SAMTOR: variants seen among roughly 807,000 people sequenced by gnomAD.
SAMTOR encodes the protein UPF0532 protein C7orf60.
At chr7:112,844,493 C>A in the SAMTOR span, among the ~76,000 whole-genome samples, 1 of 151,634 alleles carries the variant, frequency 6.6e-6, no homozygotes, top group South Asian at 2.1e-4. Flanking sequence ...GTAAGGCAAT[C>A]CCATTCACAA....
At chr7:112,850,495 C>T in the SAMTOR span, among the ~76,000 whole-genome samples, 29 of 152,204 alleles carry the variant, frequency 1.9e-4, no homozygotes, top group Admixed American at 7.2e-4. Flanking sequence ...CTTCTTTGTG[C>T]ATCTGGTAGA....
At chr7:112,861,297 A>G in the SAMTOR span, among the ~76,000 whole-genome samples, 1 of 152,164 alleles carries the variant, frequency 6.6e-6, no homozygotes, top group African/African-American at 2.4e-5. Context: ...AATACATTTT[A>G]TATTTCATAG....
the SAMTOR span, among the ~76,000 whole-genome samples, chr7:112,825,656 C>A: frequency 6.6e-6 from 1 of 152,112 alleles, no homozygotes; most frequent in Non-Finnish European, 1.5e-5. Context: ...TTCCAATGTG[C>A]ATGCTGCTTA....
the SAMTOR span, among the ~76,000 whole-genome samples, chr7:112,933,300 ATATGAT>A: frequency 2.0e-5 from 3 of 152,228 alleles, no homozygotes; most frequent in African/African-American, 7.2e-5. Flanking sequence ...ACTGAAGAAG[ATATGAT>A]TATAATAGGA....
At chr7:112,878,098 G>C in the SAMTOR span, among the ~76,000 whole-genome samples, 2 of 152,166 alleles carry the variant, frequency 1.3e-5, no homozygotes, top group Admixed American at 6.5e-5. Flanking sequence ...GCATGTAGCA[G>C]AAGTACTTTT....
At chr7:112,890,752 G>C in the SAMTOR span, among the ~76,000 whole-genome samples, 1 of 151,582 alleles carries the variant, frequency 6.6e-6, no homozygotes, top group African/African-American at 2.4e-5. Flanking sequence ...AGTGAGAGGT[G>C]TGATCTCTAC....
chr7:112,848,616 T>G, the SAMTOR span, among the ~76,000 whole-genome samples: 1 of 152,044 alleles, frequency 6.6e-6, no homozygotes, highest in South Asian at 2.1e-4. Context: ...AGGGGGATGG[T>G]GGAGAGTAAA....
the SAMTOR span, among the ~76,000 whole-genome samples, chr7:112,912,037 A>T: frequency 0.052 from 7,861 of 150,910 alleles, 508 homozygotes; most frequent in African/African-American, 0.16. Flanking sequence ...AAAAAAATAC[A>T]TATATATATA....
chr7:112,820,680 CTAAT>C, the SAMTOR span: 1 of 151,982 alleles, frequency 6.6e-6, no homozygotes, highest in African/African-American at 2.4e-5. Flanking sequence ...CCACAGCCAA[CTAAT>C]TGATATATTC....
the SAMTOR span, among the ~76,000 whole-genome samples, chr7:112,881,676 G>T: frequency 6.6e-6 from 1 of 152,086 alleles, no homozygotes. Flanking sequence ...ACCAACTCTG[G>T]GTCTCCTCTC....
the SAMTOR span, chr7:112,895,531 G>T: frequency 2.1e-6 from 3 of 1,428,202 alleles, no homozygotes; most frequent in Non-Finnish European, 2.9e-6. Context: ...CATTAATACA[G>T]TTATCCAGGA....
At chr7:112,918,325 G>C in the SAMTOR span, among the ~76,000 whole-genome samples, 11 of 152,178 alleles carry the variant, frequency 7.2e-5, no homozygotes, top group Non-Finnish European at 2.9e-5. Flanking sequence ...TTTCAACCCA[G>C]AATTTCATAT....
At chr7:112,826,981 G>A in the SAMTOR span, among the ~76,000 whole-genome samples, 3 of 152,048 alleles carry the variant, frequency 2.0e-5, no homozygotes, top group Admixed American at 2.0e-4. Context: ...TTGTTATTAG[G>A]TGCATAGACC....
the SAMTOR span, among the ~76,000 whole-genome samples, chr7:112,860,912 CAAAAA>C: frequency 4.4e-5 from 2 of 45,910 alleles, no homozygotes; most frequent in East Asian, 1.4e-3. Flanking sequence ...GACTCTGTCT[CAAAAA>C]AAAAAAAAAA....
chr7:112,935,511 A>G, the SAMTOR span, among the ~76,000 whole-genome samples: 2 of 152,166 alleles, frequency 1.3e-5, no homozygotes, highest in Admixed American at 6.5e-5. Flanking sequence ...TGCCATGCTA[A>G]TTCACCTGTT....
chr7:112,895,097 T>G, the SAMTOR span, among the ~76,000 whole-genome samples: 1 of 152,078 alleles, frequency 6.6e-6, no homozygotes, highest in Non-Finnish European at 1.5e-5. Context: ...TTTTTCCTTA[T>G]TTGTAAATTC....
chr7:112,896,282 C>A, the SAMTOR span, among the ~76,000 whole-genome samples: 3,442 of 148,940 alleles, frequency 0.023, 65 homozygotes, highest in Admixed American at 0.042. Flanking sequence ...GCTCATTTTT[C>A]TTCTTATTTG....
chr7:112,881,432 T>A, the SAMTOR span, among the ~76,000 whole-genome samples: 6 of 152,178 alleles, frequency 3.9e-5, no homozygotes, highest in Admixed American at 3.9e-4. Flanking sequence ...TGGTGCTTTT[T>A]CTGGGCCTGC....
chr7:112,856,746 A>T, the SAMTOR span, among the ~76,000 whole-genome samples: 3 of 152,246 alleles, frequency 2.0e-5, no homozygotes, highest in Non-Finnish European at 4.4e-5. Flanking sequence ...TTTATTGTCC[A>T]AATGTATTTA....
Sources: allele counts gnomAD v4.1 joint callset (sites outside exome capture counted in the v4.1 genomes callset), GRCh38; gene constraint gnomAD v4.1.1; transcripts MANE v1.5; gene names NCBI Gene and HGNC (gene_info 2026-07-23, HGNC 2026-07-21).